The following TRAF5 variants were observed in gnomAD, a reference collection of about 807,000 sequenced individuals.
The protein encoded by TRAF5 is TNF receptor-associated factor 5.
A neutral mutation model predicts 64.5 loss-of-function variants in TRAF5; 48 were observed. The ratio of observed to expected loss-of-function variants is 0.74; its 90% confidence interval spans 0.59 to 0.95. TRAF5 has a LOEUF of 0.95. TRAF5 is among the 40% of genes least tolerant of loss of function. TRAF5 has a pLI of 0.00. For synonymous variants in TRAF5, 206 were observed against 240.5 expected (o/e 0.86, Z 1.33); for missense variants, 545 against 662.8 (o/e 0.82, Z 1.95).
intron 1 of TRAF5, among the ~76,000 whole-genome samples, chr1:211,329,098 G>A (rs186259992): frequency 4.9e-4 from 74 of 152,314 alleles, no homozygotes; most frequent in African/African-American, 1.7e-3. Context: ...GCAACATGGA[G>A]CAAGTTCTGC....
intron 1 of TRAF5, among the ~76,000 whole-genome samples, chr1:211,345,366 C>G (rs115449674): frequency 0.03 from 4,542 of 151,974 alleles, 222 homozygotes; most frequent in African/African-American, 0.1. Context: ...TGCGCTCCCC[C>G]CCCCTCCTTT....
In TRAF5 at chr1:211,360,731, C is replaced by A. The variant is rs761461630; in HGVS notation, c.573C>A (p.Tyr191Ter). ...QNHEENLCPEYPVFCPNNCAK... is the reference protein window; with the variant it reads ...QNHEENLCPE Reference sequence around the variant, plus strand: ...ATGAGGAAAACTTGTGTCCTGAATACCCAGTATTTTGTCCCAACAATTGTG... The same window carrying A: ...ATGAGGAAAACTTGTGTCCTGAATAACCAGTATTTTGTCCCAACAATTGTG... Residue 191 changes from tyrosine (Y) to a stop codon, truncating the protein, a stop_gained, in exon 6 of 11, where the codon TAC becomes TAA. Coordinates refer to ENST00000261464, the MANE Select transcript of TRAF5 (RefSeq NM_001033910.3). LOFTEE classifies it high-confidence loss of function. The A allele has an allele frequency of 4.3e-6, 7 of 1,613,772 alleles. No individual in the cohort carries two copies. The highest frequency in any genetic ancestry group is 2.2e-5 in the East Asian group (1 of 44,894).
intron 7 of TRAF5, among the ~76,000 whole-genome samples, chr1:211,362,427 C>A (rs1447142604): frequency 6.6e-6 from 1 of 152,116 alleles, no homozygotes; most frequent in Non-Finnish European, 1.5e-5. Flanking sequence ...TGCCTGTAAT[C>A]CCAGCATTTT....
chr1:211,367,455 C>G (rs926115067), intron 8 of TRAF5, among the ~76,000 whole-genome samples: 7 of 152,162 alleles, frequency 4.6e-5, no homozygotes, highest in Admixed American at 3.3e-4. Context: ...TATAGTTAAG[C>G]TAGTAGTACA....
intron 8 of TRAF5, 158 bp from the exon 9 acceptor site, chr1:211,369,294 T>C (rs1160198170): frequency 3.0e-6 from 2 of 664,968 alleles, no homozygotes; most frequent in Non-Finnish European, 4.5e-6. Flanking sequence ...TATCTTCCTA[T>C]AATTATGTAG....
intron 1 of TRAF5, among the ~76,000 whole-genome samples, chr1:211,349,095 C>T (rs1176848854): frequency 1.4e-5 from 2 of 145,656 alleles, no homozygotes; most frequent in African/African-American, 2.5e-5. Context: ...GTAGTCCTAA[C>T]TACTGGGGAG....
intron 1 of TRAF5, among the ~76,000 whole-genome samples, chr1:211,328,525 C>G (rs1434062896): frequency 6.6e-6 from 1 of 152,098 alleles, no homozygotes; most frequent in Non-Finnish European, 1.5e-5. Context: ...CAGCAGCAAG[C>G]CCGCTGGACT....
intron 10 of TRAF5, 69 bp from the exon 11 acceptor site, chr1:211,372,059 C>T (rs1236669400): frequency 7.1e-7 from 1 of 1,403,054 alleles, no homozygotes; most frequent in Non-Finnish European, 9.5e-7. Flanking sequence ...CAAAATTCCA[C>T]TTTGGGAAAA....
chr1:211,344,099 G>GTTCCA (rs2102727475), intron 1 of TRAF5, among the ~76,000 whole-genome samples: 1 of 152,308 alleles, frequency 6.6e-6, no homozygotes, highest in East Asian at 1.9e-4. Flanking sequence ...GAGGAGAAGA[G>GTTCCA]TTCCACTAAA....
chr1:211,339,710 G>A (rs139078745), intron 1 of TRAF5, among the ~76,000 whole-genome samples: 4 of 152,324 alleles, frequency 2.6e-5, no homozygotes, highest in Non-Finnish European at 5.9e-5. Context: ...TGTGGGCAGG[G>A]CACCTGGGGT....
intron 7 of TRAF5, among the ~76,000 whole-genome samples, chr1:211,362,201 TA>T (rs1261476052): frequency 9.9e-5 from 15 of 152,162 alleles, no homozygotes; most frequent in Non-Finnish European, 1.9e-4. Flanking sequence ...TTACACAAAA[TA>T]AAAATAAAAT....
rs547528920 is a variant in TRAF5 at position 211,360,644 on chromosome 1, A to G, written c.544-58A>G. 3.7e-6 allele frequency: 5 copies of G among 1,334,656 alleles called. No homozygotes were observed. The African/African-American group carries it at 7.2e-5, about 19-fold the overall frequency. The allele number at this position is 1,334,656 out of a possible 1,614,324, so 82.7% of individuals were successfully genotyped here. ...ATAATCCCCAAAGAGACACAGGTGT[A>G]ATCACTGTGAGGCCATGAAAGACAA... is the stretch of plus-strand genomic sequence containing the variant. On this transcript the variant is annotated intron_variant, in intron 5 of 10. Coordinates refer to ENST00000261464, the MANE Select transcript of TRAF5 (RefSeq NM_001033910.3).
chr1:211,353,603 C>A, intron 2 of TRAF5, 146 bp downstream of exon 2: 1 of 735,400 alleles, frequency 1.4e-6, no homozygotes, highest in Non-Finnish European at 2.2e-6. Flanking sequence ...CCCAGATCCC[C>A]TCTGTGAGGG....
chr1:211,369,630 C>G, intron 9 of TRAF5, 38 bp downstream of exon 9: 6 of 1,513,296 alleles, frequency 4.0e-6, no homozygotes, highest in Non-Finnish European at 5.3e-6. Context: ...CAAGATTTGG[C>G]TTTCAATTGC....
chr1:211,352,743 A>G (rs751473990), intron 1 of TRAF5, among the ~76,000 whole-genome samples: 30 of 152,228 alleles, frequency 2.0e-4, no homozygotes, highest in Non-Finnish European at 2.2e-4. Flanking sequence ...GGGAAGTCCA[A>G]GTTCAAGACA....
chr1:211,360,091 A>G lies in TRAF5; in HGVS notation c.543+15A>G. 1 of 1,612,740 alleles carries G rather than the reference A, an allele frequency of 6.2e-7. No individual in the cohort carries two copies. Among genetic ancestry groups the G allele is most frequent in the Non-Finnish European group, 8.5e-7 (1 of 1,179,070 alleles). Reference sequence around the variant, plus strand: ...TCAATCTACAGGTGAAAAACAACACATACAACAGTCATCTTTATGGAGCTA... The same window carrying G: ...TCAATCTACAGGTGAAAAACAACACGTACAACAGTCATCTTTATGGAGCTA... On this transcript the variant is annotated intron_variant, in intron 5 of 10. Transcript: ENST00000261464.
At chr1:211,346,332 G>A in intron 1 of TRAF5, 1 of 984,712 alleles carries the variant, frequency 1.0e-6, no homozygotes, top group Non-Finnish European at 1.2e-6. Flanking sequence ...CAACGTCACA[G>A]CCTCTGCATT....
chr1:211,357,913 A>G (rs1283222770), intron 4 of TRAF5: 1 of 152,228 alleles, frequency 6.6e-6, no homozygotes, highest in African/African-American at 2.4e-5. Context: ...TGCAGGCCAT[A>G]CAGTCTCTGT....
intron 10 of TRAF5, 80 bp from the exon 11 acceptor site, chr1:211,372,048 A>C: frequency 7.9e-7 from 1 of 1,271,350 alleles, no homozygotes; most frequent in Non-Finnish European, 1.1e-6. Flanking sequence ...CTTTCAGGTA[A>C]CAAAATTCCA....
Sources: gnomAD v4.1 joint callset for allele counts (sites outside exome capture counted in the v4.1 genomes callset) on GRCh38, gnomAD v4.1.1 for gene constraint, MANE v1.5 for transcripts, NCBI Gene and HGNC (gene_info 2026-07-23, HGNC 2026-07-21) for gene names.